Variants in SPATS1 observed in about 807,000 individuals in gnomAD.
SPATS1 encodes the protein spermatogenesis-associated serine-rich protein 1.
In SPATS1, 23 loss-of-function variants were observed where a neutral mutation model predicts 33.6. The ratio of observed to expected loss-of-function variants is 0.68; its 90% confidence interval spans 0.49 to 0.97. SPATS1 has a LOEUF of 0.97. Ranked by LOEUF, SPATS1 falls within the 50% of genes least tolerant of loss-of-function variation. The probability of loss-of-function intolerance (pLI) is 0.00; values close to 1 mark genes in which losing one functional copy is unlikely to be tolerated. For synonymous variants in SPATS1, 131 were observed against 125.6 expected, an observed-to-expected ratio of 1.04 and a Z score of -0.29; for missense variants, 327 against 361.0, an observed-to-expected ratio of 0.91 and a Z score of 0.76.
In SPATS1 at chr6:44,380,071, T is replaced by C. The variant is rs1050802169; in HGVS notation, c.*3008T>C. Among the ~76,000 whole-genome samples the C allele has an allele frequency of 6.6e-6, 1 of 152,216 alleles. No homozygotes were observed. The highest frequency in any genetic ancestry group is 2.4e-5 in the African/African-American group (1 of 41,456). On this transcript the variant is annotated 3_prime_UTR_variant, in exon 9 of 9. Transcript: ENST00000674044. Reference sequence around the variant, plus strand: ...GGGAAAAATATGTGCATATCATAGCTGTTCCAGCTTTTGCTTCTTTCCAGC... The same window carrying C: ...GGGAAAAATATGTGCATATCATAGCCGTTCCAGCTTTTGCTTCTTTCCAGC...
chr6:44,342,877 A>G, intron 1 of SPATS1, 109 bp downstream of exon 1: 1 of 1,304,270 alleles, frequency 7.7e-7, no homozygotes. Flanking sequence ...GGCTGCAGCG[A>G]GCCTGGTTCG....
At chr6:44,350,734 T>C (rs554337248) in intron 2 of SPATS1, among the ~76,000 whole-genome samples, 82 of 152,280 alleles carry the variant, frequency 5.4e-4, no homozygotes, top group African/African-American at 1.9e-3. Context: ...GTCCTGCTGA[T>C]AGATGGTGGG....
intron 6 of SPATS1, 121 bp from the exon 7 acceptor site, chr6:44,369,930 T>G: frequency 1.9e-6 from 1 of 537,664 alleles, no homozygotes; most frequent in East Asian, 3.0e-5. Context: ...TCTTACAGTT[T>G]TGAAGTCAAT....
intron 5 of SPATS1, among the ~76,000 whole-genome samples, chr6:44,363,929 G>A (rs1239194681): frequency 2.0e-5 from 3 of 151,940 alleles, no homozygotes; most frequent in Non-Finnish European, 2.9e-5. Flanking sequence ...CCTCTTCCCC[G>A]AATATTCCAT....
intron 2 of SPATS1, among the ~76,000 whole-genome samples, chr6:44,350,700 G>A (rs1788179410): frequency 6.6e-6 from 1 of 152,176 alleles, no homozygotes; most frequent in South Asian, 2.1e-4. Context: ...GAGAGGAAAT[G>A]AATAAAAAAT....
intron 3 of SPATS1, among the ~76,000 whole-genome samples, chr6:44,359,762 G>C (rs1788793978): frequency 6.6e-6 from 1 of 151,864 alleles, no homozygotes; most frequent in African/African-American, 2.4e-5. Flanking sequence ...TAGTGATGGG[G>C]TGTCTCCATG....
chr6:44,343,135 T>C lies in SPATS1; in HGVS notation c.40T>C (p.Cys14Arg). ...GCTCACTGGAAACAGTCCACGGGGC[T>C]GCCGTCTCCCCTCCATCTCAAGCAC... ...SMLTGNSPRG[C>R]RLPSISSTTC... Residue 14 changes from cysteine to arginine, a missense_variant, in exon 2 of 9, where the codon TGC becomes CGC. Cys to Arg is a radical substitution (Grantham distance 180). Transcript: ENST00000674044. The C allele has an allele frequency of 1.2e-6, 2 of 1,614,144 alleles. No individual in the cohort carries two copies. The highest frequency in any genetic ancestry group is 1.1e-5 in the South Asian group (1 of 91,090).
chr6:44,349,046 G>A (rs1223825828), intron 2 of SPATS1, among the ~76,000 whole-genome samples: 1 of 152,096 alleles, frequency 6.6e-6, no homozygotes, highest in Admixed American at 6.6e-5. Flanking sequence ...CAGGAGAATC[G>A]CTTGAACCCA....
chr6:44,359,352 T>C (rs1005658484), intron 3 of SPATS1, among the ~76,000 whole-genome samples: 2 of 152,222 alleles, frequency 1.3e-5, no homozygotes, highest in African/African-American at 4.8e-5. Context: ...TCAGACATTT[T>C]CATCAGTCCA....
intron 2 of SPATS1, among the ~76,000 whole-genome samples, chr6:44,348,667 T>C (rs889490296): frequency 6.6e-6 from 1 of 152,172 alleles, no homozygotes; most frequent in Non-Finnish European, 1.5e-5. Flanking sequence ...CGTGTGTTCA[T>C]AGCTTGGAAA....
chr6:44,369,099 T>C (rs570328948), intron 6 of SPATS1, among the ~76,000 whole-genome samples: 9 of 152,092 alleles, frequency 5.9e-5, no homozygotes, highest in Non-Finnish European at 8.8e-5. Flanking sequence ...GGTTTCACCA[T>C]GTTAGCCAGG....
intron 4 of SPATS1, chr6:44,361,590 G>A: frequency 1.1e-6 from 1 of 950,370 alleles, no homozygotes; most frequent in Non-Finnish European, 1.3e-6. Context: ...TGAAGGAGAG[G>A]GTGAAGAGGG....
chr6:44,370,979 G>GTT (rs532344535), intron 7 of SPATS1, among the ~76,000 whole-genome samples: 24,917 of 141,542 alleles, frequency 0.18, 2,618 homozygotes, highest in East Asian at 0.42. Flanking sequence ...AAAAAGAAAG[G>GTT]TTTTTTTTTT....
Position 44,379,599 on chromosome 6 carries a change from C to CAAAAAAA in SPATS1, c.*2558_*2564dup, listed in dbSNP as rs55976441. ...TGGGCAACAGAGTGAGACTCTGTCT[C>CAAAAAAA]AAAAAAAAAAAAAAAAAAAAAAAAA... On this transcript the variant is annotated 3_prime_UTR_variant, in exon 9 of 9. Coordinates refer to ENST00000674044, the MANE Select transcript of SPATS1 (RefSeq NM_001372081.1). Among the ~76,000 whole-genome samples, 327 of 54,688 alleles carry CAAAAAAA rather than the reference C, an allele frequency of 6.0e-3. No individual in the cohort carries two copies. The highest frequency in any genetic ancestry group is 7.9e-3 in the Non-Finnish European group (252 of 32,046). 35.9% of individuals were successfully genotyped at this position (54,688 alleles called of 152,430 possible).
chr6:44,345,596 A>G (rs950229), intron 2 of SPATS1, among the ~76,000 whole-genome samples: 4,996 of 152,306 alleles, frequency 0.033, 248 homozygotes, highest in African/African-American at 0.11. Context: ...AAATGTTTAC[A>G]TGCTATGAAA....
At chr6:44,369,804 C>T (rs936507398) in intron 6 of SPATS1, among the ~76,000 whole-genome samples, 4 of 151,772 alleles carry the variant, frequency 2.6e-5, no homozygotes, top group East Asian at 1.9e-4. Flanking sequence ...CCTGAAAGGT[C>T]GAGGCTGCAG....
At chr6:44,368,263 G>A (rs999486140) in intron 5 of SPATS1, 116 bp from the exon 6 acceptor site, 2 of 1,053,170 alleles carry the variant, frequency 1.9e-6, no homozygotes, top group Non-Finnish European at 2.6e-6. Flanking sequence ...AAACTTCTAT[G>A]TAATTTATAA....
At chr6:44,350,720 A>G (rs188045985) in intron 2 of SPATS1, among the ~76,000 whole-genome samples, 164 of 152,366 alleles carry the variant, frequency 1.1e-3, no homozygotes, top group African/African-American at 3.8e-3. Flanking sequence ...TTCTCTGAGT[A>G]GCAGTCCTGC....
chr6:44,344,199 T>C (rs1561953086), intron 2 of SPATS1, among the ~76,000 whole-genome samples: 1 of 152,164 alleles, frequency 6.6e-6, no homozygotes. Context: ...AAGGATGTCC[T>C]AGGGAGGATC....
Sources: allele counts gnomAD v4.1 joint callset (sites outside exome capture counted in the v4.1 genomes callset), GRCh38; gene constraint gnomAD v4.1.1; transcripts MANE v1.5; gene names NCBI Gene and HGNC (gene_info 2026-07-23, HGNC 2026-07-21).